Variants in KIF20B observed in about 807,000 individuals in gnomAD.
KIF20B encodes kinesin-like protein KIF20B.
A neutral mutation model predicts 232.5 loss-of-function variants in KIF20B; 188 were observed. That is an observed-to-expected ratio of 0.81 (90% CI 0.72 to 0.91). The LOEUF (loss-of-function observed/expected upper bound fraction) is 0.91, where lower values mean the gene tolerates loss of function less well. KIF20B is among the 40% of genes least tolerant of loss of function. The pLI is 0.00. For missense variants in KIF20B, 2,154 were observed against 2,055.9 expected (o/e 1.05, Z -0.92); for synonymous variants, 712 against 683.0 (o/e 1.04, Z -0.66).
At chr10:89,773,140 G>T (rs1842500568) in intron 32 of KIF20B, among the ~76,000 whole-genome samples, 1 of 151,566 alleles carries the variant, frequency 6.6e-6, no homozygotes, top group African/African-American at 2.4e-5. Context: ...TTAAATCACG[G>T]GAGTTGTACA....
intron 5 of KIF20B, 135 bp downstream of exon 5, chr10:89,710,200 T>TGCTAG: frequency 1.4e-6 from 1 of 735,502 alleles, no homozygotes; most frequent in Non-Finnish European, 2.0e-6. Context: ...TACTAGCATA[T>TGCTAG]TATTACGTAT....
Position 89,748,015 on chromosome 10 carries a change from T to G in KIF20B, c.4096+2056T>G, listed in dbSNP as rs560640592. Among the ~76,000 whole-genome samples the G allele has an allele frequency of 2.0e-3, 303 of 152,346 alleles. 4 individuals carry two copies. The highest frequency in any genetic ancestry group is 6.8e-3 in the African/African-American group (283 of 41,582). ...GTTGTTTGAAATATTACAAAATTAC[T>G]TTTTTCTTTTTGAGACGGAGATTCG... is the stretch of plus-strand genomic sequence containing the variant. On this transcript the variant is annotated intron_variant, in intron 23 of 32. Transcript: ENST00000371728.
In KIF20B at chr10:89,754,429, A is replaced by G. The variant is rs111844965; in HGVS notation, c.4348-89A>G. The G allele has an allele frequency of 2.5e-3, 1,932 of 758,420 alleles. 25 individuals are homozygous for G. The African/African-American group carries it at 0.031, about 12-fold the overall frequency. 47.0% of individuals were successfully genotyped at this position (758,420 alleles called of 1,614,324 possible). A position where few individuals can be genotyped will look rare whatever the true frequency, so the allele number is the denominator to read the frequency against. ...ACATTAAAGTTTTTATAGAGGTGAA[A>G]AGTAATGGATTGTATGAAAATGTTA... On this transcript the variant is annotated intron_variant, in intron 25 of 32. Transcript: ENST00000371728.
intron 19 of KIF20B, among the ~76,000 whole-genome samples, chr10:89,736,458 G>A (rs985017549): frequency 3.9e-5 from 6 of 152,094 alleles, no homozygotes; most frequent in Non-Finnish European, 8.8e-5. Context: ...AGCTAATAGT[G>A]TATCTGTTCT....
intron 21 of KIF20B, among the ~76,000 whole-genome samples, chr10:89,740,712 G>A (rs1272270197): frequency 1.3e-5 from 2 of 152,140 alleles, no homozygotes; most frequent in Non-Finnish European, 1.5e-5. Context: ...CCAATCTGGA[G>A]TGCAGTGGCG....
At chr10:89,764,790 A>T (rs1282232290) in intron 29 of KIF20B, among the ~76,000 whole-genome samples, 1 of 151,562 alleles carries the variant, frequency 6.6e-6, no homozygotes. Context: ...TAGATTCTGG[A>T]TATTAGCCCT....
chr10:89,714,412 A>C (rs972691764), intron 7 of KIF20B, among the ~76,000 whole-genome samples: 1 of 152,102 alleles, frequency 6.6e-6, no homozygotes, highest in Admixed American at 6.6e-5. Context: ...CAGGAGGTGG[A>C]GGTTGCAGTG....
intron 18 of KIF20B, 27 bp downstream of exon 18, chr10:89,729,274 A>G (rs1470199536): frequency 7.0e-7 from 1 of 1,432,616 alleles, no homozygotes; most frequent in Non-Finnish European, 9.3e-7. Context: ...GTGTTATATT[A>G]ATAAATTAGA....
Position 89,749,771 on chromosome 10 carries a change from G to A in KIF20B, c.4097-1575G>A, listed in dbSNP as rs533496599. Among the ~76,000 whole-genome samples the A allele has an allele frequency of 4.6e-5, 7 of 152,056 alleles. No homozygotes were observed. In the South Asian group the frequency reaches 1.5e-3, roughly 32 times the overall value. On this transcript the variant is annotated intron_variant, in intron 23 of 32. Transcript: ENST00000371728. The stretch of plus-strand genomic sequence containing the variant: ...CCTTGCTATGGCTGAATAATATTCC[G>A]CATTTTATGTATCAGTTGATAGACA...
intron 6 of KIF20B, among the ~76,000 whole-genome samples, chr10:89,713,272 A>G (rs1046422664): frequency 6.6e-6 from 1 of 151,708 alleles, no homozygotes; most frequent in Non-Finnish European, 1.5e-5. Flanking sequence ...GAGGCACAAG[A>G]ATTGCTTGAA....
intron 24 of KIF20B, among the ~76,000 whole-genome samples, chr10:89,751,886 A>G (rs1050284506): frequency 4.6e-5 from 7 of 151,988 alleles, no homozygotes; most frequent in Admixed American, 6.5e-5. Context: ...AAAATATAAC[A>G]TTTACTAATA....
intron 19 of KIF20B, 81 bp downstream of exon 19, chr10:89,733,137 C>A: frequency 1.4e-6 from 2 of 1,382,254 alleles, no homozygotes; most frequent in Non-Finnish European, 2.0e-6. Flanking sequence ...AACAGAGGGG[C>A]ATTCACTTGT....
intron 26 of KIF20B, among the ~76,000 whole-genome samples, chr10:89,756,537 T>C (rs1842121684): frequency 6.6e-6 from 1 of 152,252 alleles, no homozygotes; most frequent in Admixed American, 6.5e-5. Context: ...TGATGTAATG[T>C]TAATTTTTGA....
At chr10:89,712,767 C>T (rs1251061183) in intron 6 of KIF20B, among the ~76,000 whole-genome samples, 6 of 152,098 alleles carry the variant, frequency 3.9e-5, no homozygotes, top group Admixed American at 6.5e-5. Context: ...CTGTTTATTC[C>T]TCTTGTGCCT....
At chr10:89,704,701 G>T (rs548081105) in intron 1 of KIF20B, among the ~76,000 whole-genome samples, 2 of 152,166 alleles carry the variant, frequency 1.3e-5, no homozygotes, top group East Asian at 1.9e-4. Flanking sequence ...GATTACAGGT[G>T]CCTGGCACCA....
At chr10:89,763,882 A>T (rs1240549763) in intron 29 of KIF20B, among the ~76,000 whole-genome samples, 1 of 139,996 alleles carries the variant, frequency 7.1e-6, no homozygotes, top group East Asian at 2.8e-4. Flanking sequence ...ATTTATTTAT[A>T]TATTTTTATT....
intron 4 of KIF20B, 30 bp from the exon 5 acceptor site, chr10:89,709,897 A>G (rs1429228009): frequency 6.5e-7 from 1 of 1,548,620 alleles, no homozygotes. Flanking sequence ...TGAATTTTCT[A>G]AAAAGAGTTT....
rs1589866608 is a variant in KIF20B, at chr10:89,737,367, C to T, written c.2546-20C>T. 1 of 1,448,990 alleles carries T rather than the reference C, an allele frequency of 6.9e-7. No individual in the cohort carries two copies. The highest frequency in any genetic ancestry group is 1.7e-5 in the South Asian group (1 of 58,880). The allele number at this position is 1,448,990 out of a possible 1,614,324, so 89.8% of individuals were successfully genotyped here. On this transcript the variant is annotated intron_variant, in intron 19 of 32. Transcript: ENST00000371728. The stretch of plus-strand genomic sequence containing the variant: ...TTATTAAGGTTTGCCAGATTAATAA[C>T]AATTTTCTTATTTTTAAAGGGTCTA...
intron 2 of KIF20B, 106 bp downstream of exon 2, chr10:89,705,547 A>T: frequency 1.1e-6 from 1 of 924,006 alleles, no homozygotes; most frequent in South Asian, 2.0e-5. Context: ...CTTAGATACA[A>T]GCTAAGAATT....
Sources: gnomAD v4.1 joint callset for allele counts (sites outside exome capture counted in the v4.1 genomes callset) on GRCh38, gnomAD v4.1.1 for gene constraint, MANE v1.5 for transcripts, NCBI Gene and HGNC (gene_info 2026-07-23, HGNC 2026-07-21) for gene names.